Variants in CCNB3 observed in about 807,000 individuals in gnomAD.
CCNB3 encodes the protein G2/mitotic-specific cyclin-B3.
Under a neutral mutation model 68.0 loss-of-function variants are expected in CCNB3, and 12 were observed. The ratio of observed to expected loss-of-function variants is 0.18; its 90% CI spans 0.11 to 0.29. The LOEUF is 0.29. CCNB3 is among the 10% of genes least tolerant of loss of function. The pLI is 1.00. For missense variants in CCNB3, 904 were observed against 993.1 expected, an observed-to-expected ratio of 0.91 and a Z score of 1.21; for synonymous variants, 354 against 388.9, an observed-to-expected ratio of 0.91 and a Z score of 1.06.
At chrX:50,228,651 G>A (rs1423834384) in intron 1 of CCNB3, among the ~76,000 whole-genome samples, 5 of 73,393 alleles carry the variant, frequency 6.8e-5, no homozygotes, top group African/African-American at 2.6e-4. Flanking sequence ...AATATATATA[G>A]AATATATAGA....
chrX:50,296,980 G>A (rs1176520097), intron 5 of CCNB3, among the ~76,000 whole-genome samples: 1 of 110,835 alleles, frequency 9.0e-6, no homozygotes, highest in African/African-American at 3.3e-5. Flanking sequence ...GGGGTTGTTT[G>A]CTTTTTTCTT....
At chrX:50,302,359 CCTAATAATAGTAGGAAAA>C (rs1383978722) in intron 5 of CCNB3, among the ~76,000 whole-genome samples, 1 of 111,682 alleles carries the variant, frequency 9.0e-6, no homozygotes, top group Non-Finnish European at 1.9e-5. Flanking sequence ...TGGAAAGGAC[CCTAATAATAGTAGGAAAA>C]CTAGTAATAG....
At chrX:50,328,089 C>T (rs1171911318) in intron 8 of CCNB3, among the ~76,000 whole-genome samples, 5 of 111,832 alleles carry the variant, frequency 4.5e-5, no homozygotes, top group African/African-American at 1.6e-4. Context: ...CTAGAACCTC[C>T]AGAAAGCAAC....
At chrX:50,206,636 C>T (rs1935371185) in intron 1 of CCNB3, among the ~76,000 whole-genome samples, 1 of 109,573 alleles carries the variant, frequency 9.1e-6, no homozygotes, top group Admixed American at 9.7e-5. Flanking sequence ...CAGCTGGGCA[C>T]GGTGGCTCAC....
chrX:50,288,782 G>A lies in CCNB3; in HGVS notation c.99G>A (p.Thr33=), dbSNP rs148706025. ...VPSHHDPSEK[T]GENCQTKISP... is the part of the protein sequence containing the mutation. ...ATTTACCTCTTTTACTTTTTTAGACGGGGGAGAATTGCCAAACGAAGATAT... is the reference window on the plus strand; with the variant it reads ...ATTTACCTCTTTTACTTTTTTAGACAGGGGAGAATTGCCAAACGAAGATAT... Residue 33 remains threonine (T), a splice_region_variant and synonymous_variant, in exon 4 of 13, where the codon ACG becomes ACA. Coordinates refer to ENST00000376042, the MANE Select transcript of CCNB3 (RefSeq NM_033031.3). The A allele has an allele frequency of 8.4e-6, 10 of 1,191,623 alleles. No individual in the cohort carries two copies. The highest frequency in any genetic ancestry group is 3.5e-5 in the African/African-American group (2 of 56,709).
At chrX:50,337,135 C>T (rs782391719) in intron 8 of CCNB3, among the ~76,000 whole-genome samples, 4 of 110,241 alleles carry the variant, frequency 3.6e-5, no homozygotes, top group Non-Finnish European at 5.7e-5. Flanking sequence ...AGTCTTGGGC[C>T]GTAAGTGAGC....
chrX:50,227,061 A>G (rs1352501774), intron 1 of CCNB3, among the ~76,000 whole-genome samples: 3 of 81,107 alleles, frequency 3.7e-5, no homozygotes, highest in Non-Finnish European at 6.6e-5. Flanking sequence ...TATATAGAAT[A>G]TATATACAAA....
intron 1 of CCNB3, among the ~76,000 whole-genome samples, chrX:50,227,903 GA>G (rs1225966414): frequency 2.6e-5 from 2 of 77,493 alleles, no homozygotes; most frequent in Non-Finnish European, 4.7e-5. Flanking sequence ...TAAATATATA[GA>G]GAGAATATAT....
chrX:50,348,348 A>G (rs782665313), intron 11 of CCNB3, among the ~76,000 whole-genome samples: 1 of 112,068 alleles, frequency 8.9e-6, no homozygotes, highest in East Asian at 2.8e-4. Context: ...GGTAAAATCA[A>G]CTTTAGATAA....
chrX:50,351,151 A>G, intron 11 of CCNB3, 90 bp from the exon 12 acceptor site: 1 of 1,020,054 alleles, frequency 9.8e-7, no homozygotes, highest in Non-Finnish European at 1.4e-6. Flanking sequence ...TGTTTAAACC[A>G]TGTGTGGGAA....
chrX:50,228,588 A>T (rs1022112379), intron 1 of CCNB3, among the ~76,000 whole-genome samples: 3 of 87,539 alleles, frequency 3.4e-5, no homozygotes, highest in Non-Finnish European at 6.4e-5. Context: ...ATATATATAG[A>T]ATATAGATAA....
intron 5 of CCNB3, among the ~76,000 whole-genome samples, chrX:50,300,294 G>A: frequency 9.0e-6 from 1 of 111,336 alleles, no homozygotes; most frequent in Non-Finnish European, 1.9e-5. Context: ...TCCATGTTTA[G>A]TGCTTCCTTC....
chrX:50,281,171 T>G (rs1936129872), intron 1 of CCNB3, among the ~76,000 whole-genome samples: 1 of 111,169 alleles, frequency 9.0e-6, no homozygotes, highest in African/African-American at 3.3e-5. Context: ...GAGGCAGAGT[T>G]GGATTTTAAA....
At chrX:50,284,824 G>T (rs1338640212) in intron 2 of CCNB3, among the ~76,000 whole-genome samples, 1 of 111,538 alleles carries the variant, frequency 9.0e-6, no homozygotes, top group Non-Finnish European at 1.9e-5. Context: ...CGTTCACAGA[G>T]GATGGTAGGC....
intron 4 of CCNB3, among the ~76,000 whole-genome samples, chrX:50,289,847 T>C (rs1181794572): frequency 8.9e-6 from 1 of 112,076 alleles, no homozygotes; most frequent in Non-Finnish European, 1.9e-5. Flanking sequence ...TTGGGCATAA[T>C]TGGATAAGCA....
chrX:50,226,258 T>TTATATATATAGAATATATATATTTA (rs1935783137), intron 1 of CCNB3, among the ~76,000 whole-genome samples: 2 of 61,276 alleles, frequency 3.3e-5, no homozygotes, highest in Non-Finnish European at 5.3e-5. Flanking sequence ...ATATATATAT[T>TTATATATATAGAATATATATATTTA]TATATATATA....
At chrX:50,336,966 C>T (rs56019179) in intron 8 of CCNB3, among the ~76,000 whole-genome samples, 1 of 110,880 alleles carries the variant, frequency 9.0e-6, no homozygotes, top group East Asian at 2.9e-4. Context: ...TGGAGCAAGT[C>T]AATTAAAGCT....
chrX:50,203,015 G>T (rs1602171414), upstream of CCNB3, among the ~76,000 whole-genome samples: 1 of 111,774 alleles, frequency 8.9e-6, no homozygotes, highest in South Asian at 3.8e-4. Context: ...GGAATATATT[G>T]TATTAGTGTG....
chrX:50,288,851 A>G lies in CCNB3; in HGVS notation c.168A>G (p.Ala56=), dbSNP rs782423184. The G allele has an allele frequency of 1.3e-5, 16 of 1,202,852 alleles. No individual in the cohort carries two copies. In the South Asian group the frequency reaches 2.9e-4, roughly 21 times the overall value. Residue 56 remains alanine, a synonymous_variant, in exon 4 of 13, where the codon GCA becomes GCG. Coordinates refer to ENST00000376042, the MANE Select transcript of CCNB3 (RefSeq NM_033031.3). ...LQESPSSLQG[A]LKKRSAFEDL... is the part of the protein sequence containing the mutation. ...AGTCTCCATCTTCACTTCAGGGAGC[A>G]CTCAAAAAGAGATCAGCTTTTGAAG...
Sources: gnomAD v4.1 joint callset for allele counts (sites outside exome capture counted in the v4.1 genomes callset) on GRCh38, gnomAD v4.1.1 for gene constraint, MANE v1.5 for transcripts, NCBI Gene and HGNC (gene_info 2026-07-23, HGNC 2026-07-21) for gene names.